Variants in MYO6 observed in about 807,000 individuals in gnomAD.
The protein encoded by MYO6 is unconventional myosin-VI.
In MYO6, 74 loss-of-function variants were observed where a neutral mutation model predicts 178.7. The observed-to-expected ratio is 0.41, with a 90% CI of 0.34 to 0.50. The LOEUF (loss-of-function observed/expected upper bound fraction) is 0.50, where lower values mean the gene tolerates loss of function less well. Among genes scored for constraint, MYO6 ranks in the 20% least tolerant of loss-of-function variants. MYO6 has a pLI of 0.09. For missense variants in MYO6, 1,330 were observed against 1,547.4 expected (o/e 0.86, Z 2.36); for synonymous variants, 477 against 504.6 (o/e 0.95, Z 0.73).
At chr6:75,890,903 G>A (rs971122248) in intron 26 of MYO6, among the ~76,000 whole-genome samples, 2 of 152,140 alleles carry the variant, frequency 1.3e-5, no homozygotes, top group South Asian at 4.1e-4. Flanking sequence ...TGCCATGATA[G>A]GGTAGAGAGA....
At chr6:75,868,448 G>A (rs566860547) in intron 18 of MYO6, among the ~76,000 whole-genome samples, 4 of 152,040 alleles carry the variant, frequency 2.6e-5, no homozygotes, top group East Asian at 3.9e-4. Flanking sequence ...GCTGATAAGA[G>A]CATACTTGAA....
chr6:75,774,326 A>C (rs566363202), intron 1 of MYO6, among the ~76,000 whole-genome samples: 1 of 152,136 alleles, frequency 6.6e-6, no homozygotes, highest in Non-Finnish European at 1.5e-5. Context: ...AGGATTAATG[A>C]TTTTTATTAA....
chr6:75,892,834 T>C (rs1182044410), intron 28 of MYO6, 144 bp downstream of exon 28: 1 of 854,026 alleles, frequency 1.2e-6, no homozygotes, highest in East Asian at 2.7e-5. Flanking sequence ...TTTAAAATTA[T>C]TTGTATCGAC....
At chr6:75,809,429 T>C (rs1313988952) in intron 1 of MYO6, among the ~76,000 whole-genome samples, 1 of 152,142 alleles carries the variant, frequency 6.6e-6, no homozygotes, top group Admixed American at 6.5e-5. Flanking sequence ...AAAAGCAAAC[T>C]GTAAAATATT....
At chr6:75,906,038 A>C (rs1780289125) in intron 30 of MYO6, among the ~76,000 whole-genome samples, 2 of 152,244 alleles carry the variant, frequency 1.3e-5, no homozygotes, top group Admixed American at 6.5e-5. Flanking sequence ...AAGACTGAGA[A>C]AATACATGTT....
intron 2 of MYO6, among the ~76,000 whole-genome samples, chr6:75,820,743 G>A (rs1771784451): frequency 6.6e-6 from 1 of 152,088 alleles, no homozygotes; most frequent in Non-Finnish European, 1.5e-5. Flanking sequence ...CCTTGTTTAT[G>A]AAGTTTTTCT....
chr6:75,762,232 C>T (rs956749656), intron 1 of MYO6, among the ~76,000 whole-genome samples: 8 of 152,246 alleles, frequency 5.3e-5, no homozygotes, highest in East Asian at 1.9e-4. Context: ...ACTGTGCCCC[C>T]GGCCATAATT....
chr6:75,798,472 A>C (rs1459874986), intron 1 of MYO6, among the ~76,000 whole-genome samples: 1 of 152,226 alleles, frequency 6.6e-6, no homozygotes, highest in East Asian at 1.9e-4. Flanking sequence ...CAACATATGC[A>C]AATCAATAAA....
chr6:75,894,142 T>C (rs1779116022), intron 28 of MYO6, among the ~76,000 whole-genome samples: 1 of 152,218 alleles, frequency 6.6e-6, no homozygotes, highest in Admixed American at 6.5e-5. Context: ...TTTATATTTA[T>C]GCACTTGAAA....
intron 1 of MYO6, among the ~76,000 whole-genome samples, chr6:75,754,386 G>A (rs993738090): frequency 1.3e-5 from 2 of 151,916 alleles, no homozygotes; most frequent in African/African-American, 2.4e-5. Context: ...TGGGTGTGGT[G>A]GTGGGTGCCT....
intron 23 of MYO6, 124 bp from the exon 24 acceptor site, chr6:75,885,880 A>G (rs1175317137): frequency 1.0e-5 from 7 of 672,878 alleles, no homozygotes; most frequent in African/African-American, 5.5e-5. Flanking sequence ...TGTCTGATAT[A>G]TAATAATATG....
chr6:75,912,224 A>G (rs1780809621), intron 33 of MYO6, among the ~76,000 whole-genome samples: 1 of 152,056 alleles, frequency 6.6e-6, no homozygotes, highest in Non-Finnish European at 1.5e-5. Context: ...TTCTTTGATA[A>G]TTTAAAAGCT....
intron 3 of MYO6, among the ~76,000 whole-genome samples, chr6:75,828,133 A>C (rs1305481123): frequency 6.6e-6 from 1 of 152,144 alleles, no homozygotes; most frequent in Non-Finnish European, 1.5e-5. Context: ...CCATTCTAAA[A>C]TTTTATCTTT....
chr6:75,843,120 A>G (rs1042908050), intron 9 of MYO6, among the ~76,000 whole-genome samples: 1 of 152,304 alleles, frequency 6.6e-6, no homozygotes, highest in African/African-American at 2.4e-5. Flanking sequence ...TTCTGCCTTA[A>G]AGTCACTTGA....
intron 1 of MYO6, among the ~76,000 whole-genome samples, chr6:75,772,638 A>C (rs1164872459): frequency 1.3e-5 from 2 of 152,202 alleles, no homozygotes; most frequent in Non-Finnish European, 2.9e-5. Context: ...TCAGCTCTGA[A>C]AAGAGTTTTG....
intron 3 of MYO6, among the ~76,000 whole-genome samples, chr6:75,826,134 C>G (rs1160809616): frequency 1.3e-5 from 2 of 152,148 alleles, no homozygotes; most frequent in Non-Finnish European, 2.9e-5. Flanking sequence ...GTGGACATAC[C>G]TAGGTCATAC....
intron 1 of MYO6, among the ~76,000 whole-genome samples, chr6:75,766,323 A>C (rs1336466548): frequency 6.6e-6 from 1 of 151,874 alleles, no homozygotes; most frequent in African/African-American, 2.4e-5. Context: ...ACTCTGTCTC[A>C]AAAAAAAGAA....
At chr6:75,872,803 G>A (rs7761004) in intron 19 of MYO6, among the ~76,000 whole-genome samples, 23 of 148,926 alleles carry the variant, frequency 1.5e-4, no homozygotes, top group Admixed American at 1.4e-3. Flanking sequence ...TTTTTTTGAC[G>A]GAGTCTCACT....
chr6:75,904,062 C>G (rs1581974170), intron 30 of MYO6, among the ~76,000 whole-genome samples: 2 of 152,172 alleles, frequency 1.3e-5, no homozygotes, highest in Non-Finnish European at 1.5e-5. Flanking sequence ...GGCCCCAACT[C>G]TCTTCTGGCT....
Sources: gnomAD v4.1 joint callset for allele counts (sites outside exome capture counted in the v4.1 genomes callset) on GRCh38, gnomAD v4.1.1 for gene constraint, MANE v1.5 for transcripts, NCBI Gene and HGNC (gene_info 2026-07-23, HGNC 2026-07-21) for gene names.